Variants in PCDH7 observed in about 807,000 individuals in gnomAD.
The protein encoded by PCDH7 is protocadherin-7.
A neutral mutation model predicts 58.9 loss-of-function variants in PCDH7; 17 were observed. The ratio of observed to expected loss-of-function variants is 0.29; its 90% CI spans 0.20 to 0.43. The LOEUF (loss-of-function observed/expected upper bound fraction) is 0.43, where lower values mean the gene tolerates loss of function less well. PCDH7 is among the 20% of genes least tolerant of loss of function. PCDH7 has a pLI of 1.00. For synonymous variants in PCDH7, 664 were observed against 616.4 expected (o/e 1.08, Z -1.14); for missense variants, 1,274 against 1,441.0 (o/e 0.88, Z 1.88).
chr4:31,136,005 A>G (rs771822930), intron 3 of PCDH7, among the ~76,000 whole-genome samples: 15 of 152,252 alleles, frequency 9.9e-5, no homozygotes, highest in Non-Finnish European at 2.1e-4. Flanking sequence ...CTAAGAAATT[A>G]ATACATTCTT....
chr4:31,097,625 T>TAAAA (rs1161264307), intron 3 of PCDH7, among the ~76,000 whole-genome samples: 10 of 41,348 alleles, frequency 2.4e-4, no homozygotes, highest in Admixed American at 1.0e-3. Flanking sequence ...TATATATATA[T>TAAAA]ATATATATAT....
intron 3 of PCDH7, among the ~76,000 whole-genome samples, chr4:30,951,064 C>G (rs570448699): frequency 6.6e-6 from 1 of 152,238 alleles, no homozygotes; most frequent in Non-Finnish European, 1.5e-5. Context: ...GTGACTCTCT[C>G]AGGTTCTTTG....
intron 1 of PCDH7, among the ~76,000 whole-genome samples, chr4:30,771,972 G>A (rs1481327399): frequency 1.3e-5 from 2 of 152,026 alleles, no homozygotes; most frequent in African/African-American, 4.8e-5. Context: ...CAGGGTTCAA[G>A]CGATTCTCGT....
At chr4:30,865,902 T>A (rs1734823088) in intron 1 of PCDH7, among the ~76,000 whole-genome samples, 1 of 152,050 alleles carries the variant, frequency 6.6e-6, no homozygotes, top group Admixed American at 6.6e-5. Context: ...GGAAGATGCC[T>A]GAGAGAATAG....
chr4:31,079,358 A>C (rs1759304479), intron 3 of PCDH7, among the ~76,000 whole-genome samples: 1 of 106,748 alleles, frequency 9.4e-6, no homozygotes, highest in Non-Finnish European at 1.9e-5. Flanking sequence ...ATATATATAT[A>C]TATATACACC....
chr4:30,961,402 A>T (rs1037472830), intron 3 of PCDH7, among the ~76,000 whole-genome samples: 3 of 137,492 alleles, frequency 2.2e-5, no homozygotes, highest in Non-Finnish European at 3.1e-5. Context: ...AAAAAAAAAA[A>T]TTTGCCAGGT....
intron 3 of PCDH7, among the ~76,000 whole-genome samples, chr4:31,044,692 T>C (rs1756145133): frequency 6.6e-6 from 1 of 152,050 alleles, no homozygotes; most frequent in African/African-American, 2.4e-5. Flanking sequence ...AATGTGAGTG[T>C]TGTTAGTAAT....
At chr4:30,885,312 T>C (rs1737563293) in intron 1 of PCDH7, 1 of 152,188 alleles carries the variant, frequency 6.6e-6, no homozygotes. Flanking sequence ...TGTCACTTGT[T>C]AGTGTGAAAT....
rs139135821 is a variant in PCDH7 at position 30,915,582 on chromosome 4, G to T, written c.71-4571G>T. 5.8e-3 allele frequency among the ~76,000 whole-genome samples: 887 copies of T among 152,204 alleles called. 8 individuals are homozygous for T. Among genetic ancestry groups the T allele is most frequent in the African/African-American group, 0.02 (830 of 41,540 alleles). On this transcript the variant is annotated intron_variant, in intron 1 of 3. Transcript: ENST00000509759. ...CTCTGTCACCAGGCTAGAGTGCGGTGGCGCGATCTCGGCTCACTGCAACCT... is the reference window on the plus strand; with the variant it reads ...CTCTGTCACCAGGCTAGAGTGCGGTTGCGCGATCTCGGCTCACTGCAACCT...
intron 3 of PCDH7, among the ~76,000 whole-genome samples, chr4:30,975,054 G>C (rs1332296210): frequency 2.0e-5 from 3 of 151,984 alleles, no homozygotes; most frequent in Admixed American, 2.0e-4. Context: ...TGCCAGCAGA[G>C]ATTTCAGGAG....
chr4:31,062,236 C>T (rs1016962959), intron 3 of PCDH7, among the ~76,000 whole-genome samples: 2 of 151,554 alleles, frequency 1.3e-5, no homozygotes, highest in African/African-American at 2.4e-5. Flanking sequence ...TCTAGGAGTA[C>T]ATCCTAGAAC....
At chr4:30,817,995 C>T (rs558867076) in intron 1 of PCDH7, among the ~76,000 whole-genome samples, 2 of 151,922 alleles carry the variant, frequency 1.3e-5, no homozygotes, top group Non-Finnish European at 2.9e-5. Flanking sequence ...ACATTCTTCT[C>T]ACTCAGCTTC....
At chr4:30,749,318 T>C (rs577269181) in intron 1 of PCDH7, among the ~76,000 whole-genome samples, 2 of 152,222 alleles carry the variant, frequency 1.3e-5, no homozygotes, top group Non-Finnish European at 2.9e-5. Context: ...GCTGACATCA[T>C]TTCTTAAAGT....
At chr4:31,076,094 T>A (rs192697077) in intron 3 of PCDH7, among the ~76,000 whole-genome samples, 1 of 152,306 alleles carries the variant, frequency 6.6e-6, no homozygotes, top group East Asian at 1.9e-4. Flanking sequence ...AGACAGTTAT[T>A]TTCCTTGTCC....
intron 1 of PCDH7, among the ~76,000 whole-genome samples, chr4:30,798,572 A>G (rs1241843499): frequency 1.3e-5 from 2 of 152,214 alleles, no homozygotes; most frequent in Non-Finnish European, 2.9e-5. Flanking sequence ...GCACAAAGAC[A>G]TTTTGTGAAC....
At position 30,723,149 on chromosome 4, in the gene PCDH7, C is replaced by G. The variant is rs1577531253; in HGVS notation, c.1727C>G (p.Ser576Cys). ...GCCGAGATCGCCTACTCGCTGGACT[C>G]CTCTGTGATGGGGATCTTTGCCATC... The change falls in exon 1 of 2, where the codon TCC becomes TGC. Residue 576 changes from serine to cysteine, a missense_variant. Physicochemically the swap from Ser to Cys is moderately radical, Grantham distance 112 (BLOSUM62 -1). Coordinates refer to ENST00000361762, the Ensembl canonical transcript of PCDH7. The surrounding 1 kb of genome is among the most constrained non-coding windows in gnomAD (Gnocchi z 4.6). 1 of 1,613,984 alleles carries G rather than the reference C, an allele frequency of 6.2e-7. No homozygotes were observed. The highest frequency in any genetic ancestry group is 1.1e-5 in the South Asian group (1 of 91,086).
In PCDH7 at chr4:30,721,982, G is replaced by T; in HGVS notation, c.560G>T (p.Gly187Val). The T allele has an allele frequency of 7.5e-7, 1 of 1,336,664 alleles. No individual in the cohort carries two copies. Among genetic ancestry groups the T allele is most frequent in the Non-Finnish European group, 9.6e-7 (1 of 1,045,290 alleles). 82.8% of individuals were successfully genotyped at this position (1,336,664 alleles called of 1,614,324 possible). ...CGCTACGAGCTGCTCCAGGAGCCCG[G>T]AGGCGGCGGCAGCGGCGGCGAGAGC... is the stretch of plus-strand genomic sequence containing the variant. The change falls in exon 1 of 2, where the codon GGA becomes GTA. Residue 187 changes from glycine to valine, a missense_variant. Gly to Val is a moderately radical substitution (Grantham distance 109). This residue lies in a region of PCDH7 where 331 missense variants were observed against 303.2 expected (regional missense o/e 1.09). Transcript: ENST00000361762. This position sits in a 1 kb window ranked among gnomAD's most constrained non-coding sequence, Gnocchi z 6.7.
chr4:31,102,205 C>A (rs114594150), intron 3 of PCDH7, among the ~76,000 whole-genome samples: 31 of 148,444 alleles, frequency 2.1e-4, no homozygotes, highest in Middle Eastern at 7.0e-3. Context: ...TTTTTTTTTA[C>A]TGTTGTGTAC....
At position 30,982,896 on chromosome 4, in the gene PCDH7, T is replaced by A. The variant is rs534264126; in HGVS notation, c.*7+32681T>A. On this transcript the variant is annotated intron_variant, in intron 3 of 3. Coordinates refer to the PCDH7 transcript ENST00000509759. ...ATGTAGACATTTTCTGTGACATTGA[T>A]TTTAGAGAGAATTAAAAATTTAAAG... Among the ~76,000 whole-genome samples, 98 of 152,306 alleles carry A rather than the reference T, an allele frequency of 6.4e-4. 4 individuals are homozygous for A. In the South Asian group the frequency reaches 0.019, roughly 29 times the overall value.
Sources: gnomAD v4.1 joint callset for allele counts (sites outside exome capture counted in the v4.1 genomes callset) on GRCh38, gnomAD v4.1.1 for gene constraint, gnomAD v4.1.1 regional missense constraint, Gnocchi (gnomAD v3.1) non-coding constraint, MANE v1.5 for transcripts, NCBI Gene and HGNC (gene_info 2026-07-23, HGNC 2026-07-21) for gene names.